MYO1D: variants seen among roughly 807,000 people sequenced by gnomAD.
MYO1D encodes the protein unconventional myosin-Id.
MYO1D carries 83 observed loss-of-function variants against 122.0 expected under a neutral mutation model. The observed-to-expected ratio is 0.68, with a 90% CI of 0.57 to 0.82. MYO1D has a LOEUF of 0.82. MYO1D is among the 40% of genes least tolerant of loss of function. The pLI is 0.00. For synonymous variants in MYO1D, 464 were observed against 446.9 expected, an observed-to-expected ratio of 1.04 and a Z score of -0.48; for missense variants, 1,157 against 1,269.5, an observed-to-expected ratio of 0.91 and a Z score of 1.35.
At chr17:32,855,080 T>C (rs1416650162) in intron 1 of MYO1D, among the ~76,000 whole-genome samples, 2 of 152,182 alleles carry the variant, frequency 1.3e-5, no homozygotes, top group African/African-American at 4.8e-5. Flanking sequence ...TTGGCTGCAA[T>C]GAGGTTTATG....
intron 21 of MYO1D, among the ~76,000 whole-genome samples, chr17:32,599,244 A>G (rs933631341): frequency 6.6e-6 from 1 of 152,210 alleles, no homozygotes; most frequent in Non-Finnish European, 1.5e-5. Flanking sequence ...CATTTCAACA[A>G]CGTTAACAGC....
At chr17:32,823,827 G>C (rs2090696758) in intron 1 of MYO1D, among the ~76,000 whole-genome samples, 1 of 152,136 alleles carries the variant, frequency 6.6e-6, no homozygotes, top group Admixed American at 6.5e-5. Context: ...CAGCACTTTG[G>C]GAGGCTGAGG....
At chr17:32,537,923 C>T (rs1199544188) in intron 21 of MYO1D, among the ~76,000 whole-genome samples, 1 of 152,076 alleles carries the variant, frequency 6.6e-6, no homozygotes, top group African/African-American at 2.4e-5. Context: ...AAAATCTGGG[C>T]CACTTATATC....
chr17:32,608,128 T>C (rs946483451), intron 20 of MYO1D, among the ~76,000 whole-genome samples: 8 of 152,018 alleles, frequency 5.3e-5, no homozygotes, highest in Non-Finnish European at 1.0e-4. Context: ...AGCAAAAAAA[T>C]TGATAAATTG....
chr17:32,802,594 A>G (rs981009602), intron 1 of MYO1D, among the ~76,000 whole-genome samples: 1 of 152,224 alleles, frequency 6.6e-6, no homozygotes, highest in African/African-American at 2.4e-5. Context: ...TTTTAAAAAT[A>G]ATTTTCACAT....
chr17:32,721,213 G>A (rs1567965510), intron 14 of MYO1D, 24 bp from the exon 15 acceptor site: 1 of 1,607,922 alleles, frequency 6.2e-7, no homozygotes, highest in South Asian at 1.1e-5. Context: ...TCAGCAAATG[G>A]TAAGTTTCAC....
chr17:32,723,849 T>C (rs1162175351), intron 14 of MYO1D, among the ~76,000 whole-genome samples: 2 of 152,160 alleles, frequency 1.3e-5, no homozygotes, highest in Admixed American at 6.5e-5. Flanking sequence ...AAGCACTATA[T>C]TTTACAGTGA....
At chr17:32,661,586 T>G (rs1567935832) in intron 16 of MYO1D, among the ~76,000 whole-genome samples, 1 of 151,956 alleles carries the variant, frequency 6.6e-6, no homozygotes, top group East Asian at 1.9e-4. Flanking sequence ...GTTCAGGAAG[T>G]TGAGGCTATA....
intron 1 of MYO1D, among the ~76,000 whole-genome samples, chr17:32,809,148 A>C (rs1336465753): frequency 6.6e-6 from 1 of 151,758 alleles, no homozygotes; most frequent in Non-Finnish European, 1.5e-5. Context: ...AAAAAAAAAA[A>C]AAACTGTCAC....
chr17:32,562,659 T>G (rs1007755463), intron 21 of MYO1D, among the ~76,000 whole-genome samples: 1 of 152,004 alleles, frequency 6.6e-6, no homozygotes, highest in Non-Finnish European at 1.5e-5. Context: ...ATTTTGAAAC[T>G]TTTTGTAGAG....
rs1437976533 is a variant in MYO1D at position 32,493,067 on chromosome 17, T to C, written c.*1692A>G. 4 of 152,538 alleles carry C rather than the reference T, an allele frequency of 2.6e-5. No individual in the cohort carries two copies. The highest frequency in any genetic ancestry group is 1.9e-4 in the East Asian group (1 of 5,204). The allele number at this position is 152,538 out of a possible 1,614,324, so 9.4% of individuals were successfully genotyped here. On this transcript the variant is annotated 3_prime_UTR_variant, in exon 22 of 22. Coordinates refer to ENST00000318217, the MANE Select transcript of MYO1D (RefSeq NM_015194.3). ...ATGTGTCTAGTGTAAAGCAACAAGT[T>C]TGAGGAAATAAGTGGAAGGAGAGAG...
intron 12 of MYO1D, among the ~76,000 whole-genome samples, chr17:32,746,482 A>C (rs1013874657): frequency 2.6e-5 from 4 of 152,106 alleles, no homozygotes; most frequent in Non-Finnish European, 5.9e-5. Flanking sequence ...CCTTACTCTA[A>C]ATTCCAAATG....
At chr17:32,740,283 A>C (rs2089757820) in intron 13 of MYO1D, among the ~76,000 whole-genome samples, 1 of 152,196 alleles carries the variant, frequency 6.6e-6, no homozygotes, top group Non-Finnish European at 1.5e-5. Context: ...TGGTCTATGC[A>C]GTTTCTACTC....
At chr17:32,808,893 G>C (rs2090544360) in intron 1 of MYO1D, among the ~76,000 whole-genome samples, 1 of 152,110 alleles carries the variant, frequency 6.6e-6, no homozygotes, top group African/African-American at 2.4e-5. Context: ...ATGATATTTT[G>C]TTAGAGCAGC....
chr17:32,659,168 G>A lies in MYO1D; in HGVS notation c.2292C>T (p.Ser764=), dbSNP rs757206467. ...RDYGKHVKWP[S]PPKVLRRFEE... is the part of the protein sequence containing the mutation. The stretch of plus-strand genomic sequence containing the variant: ...CAAAACGGCGAAGAACTTTAGGAGG[G>A]CTTGGCCACTTCACGTGCTTCCCGT... The change falls in exon 17 of 22, where the codon AGC becomes AGT. Residue 764 remains serine (S), a synonymous_variant. Transcript: ENST00000318217. The A allele has an allele frequency of 2.5e-6, 4 of 1,614,180 alleles. No homozygotes were observed. In the Middle Eastern group the frequency reaches 6.6e-4, roughly 266 times the overall value.
chr17:32,521,832 C>T (rs1204323170), intron 21 of MYO1D, among the ~76,000 whole-genome samples: 2 of 151,858 alleles, frequency 1.3e-5, no homozygotes, highest in African/African-American at 4.8e-5. Flanking sequence ...GCCTGTAATC[C>T]CCGCACTTTG....
At chr17:32,755,348 C>T (rs1343188338) in intron 11 of MYO1D, 144 bp downstream of exon 11, 1 of 872,504 alleles carries the variant, frequency 1.1e-6, no homozygotes, top group African/African-American at 1.7e-5. Context: ...TCCACAGCAA[C>T]AAATCATTTA....
At chr17:32,847,159 C>T (rs2090945892) in intron 1 of MYO1D, among the ~76,000 whole-genome samples, 1 of 152,092 alleles carries the variant, frequency 6.6e-6, no homozygotes, top group Non-Finnish European at 1.5e-5. Flanking sequence ...TAAGAAAAAT[C>T]CTAATTTGGG....
At chr17:32,528,664 A>G (rs116051963) in intron 21 of MYO1D, among the ~76,000 whole-genome samples, 5,872 of 152,256 alleles carry the variant, frequency 0.039, 232 homozygotes, top group African/African-American at 0.11. Flanking sequence ...GACCCTAGAT[A>G]CAATCACAAG....
Sources: gnomAD v4.1 joint callset for allele counts (sites outside exome capture counted in the v4.1 genomes callset) on GRCh38, gnomAD v4.1.1 for gene constraint, MANE v1.5 for transcripts, NCBI Gene and HGNC (gene_info 2026-07-23, HGNC 2026-07-21) for gene names.